GRM6: variants seen among roughly 807,000 people sequenced by gnomAD.
GRM6 encodes metabotropic glutamate receptor 6.
GRM6 carries 73 observed loss-of-function variants against 78.4 expected under a neutral mutation model. The ratio of observed to expected loss-of-function variants is 0.93; its 90% CI spans 0.77 to 1.13. The LOEUF is 1.13. Among genes scored for constraint, GRM6 ranks in the 50% most tolerant of loss-of-function variants. GRM6 has a pLI of 0.00. For synonymous variants in GRM6, 580 were observed against 555.0 expected (o/e 1.05, Z -0.63); for missense variants, 1,251 against 1,256.4 (o/e 1.00, Z 0.07).
chr5:178,990,440 C>T (rs544351194), intron 5 of GRM6, 152 bp downstream of exon 5: 15 of 722,312 alleles, frequency 2.1e-5, no homozygotes, highest in South Asian at 7.8e-5. Flanking sequence ...CTTGGAGGGA[C>T]GCGTCCACAG....
chr5:178,985,739 G>T, intron 9 of GRM6: 1 of 421,452 alleles, frequency 2.4e-6, no homozygotes, highest in Non-Finnish European at 4.6e-6. Flanking sequence ...AACCAAAATA[G>T]AAAAGAGTGA....
chr5:178,991,459 C>T lies in GRM6; in HGVS notation c.822G>A (p.Arg274=). 1.2e-6 allele frequency: 2 copies of T among 1,613,988 alleles called. No homozygotes were observed. The highest frequency in any genetic ancestry group is 2.2e-5 in the South Asian group (2 of 91,082). Reference sequence around the variant, plus strand: ...CCTCATTGGCAAAGATGATGATGCCCCGGGCGTTGGGCGTCTCCATGAGTC... The same window carrying T: ...CCTCATTGGCAAAGATGATGATGCCTCGGGCGTTGGGCGTCTCCATGAGTC... The part of the protein sequence containing the change: ...IRRLMETPNA[R]GIIIFANEDD... Residue 274 remains arginine, a synonymous_variant, in exon 4 of 11, where the codon CGG becomes CGA. Coordinates refer to ENST00000517717, the MANE Select transcript of GRM6 (RefSeq NM_000843.4). The surrounding 1 kb of genome is among the most constrained non-coding windows in gnomAD (Gnocchi z 5.0).
intron 7 of GRM6, chr5:178,987,430 T>G (rs552459415): frequency 6.5e-6 from 3 of 458,016 alleles, no homozygotes; most frequent in Non-Finnish European, 1.3e-5. Context: ...GACAGAAGAA[T>G]GGACGAACAC....
At chr5:178,990,116 A>C (rs1279531235) in intron 5 of GRM6, 1 of 219,084 alleles carries the variant, frequency 4.6e-6, no homozygotes, top group Non-Finnish European at 9.2e-6. Context: ...GAAGGATGTC[A>C]TCAAGGTGTC....
In GRM6 at chr5:178,986,152, G is replaced by A; in HGVS notation, c.2102C>T (p.Thr701Ile). 1 of 1,613,842 alleles carries A rather than the reference G, an allele frequency of 6.2e-7. No homozygotes were observed. The highest frequency in any genetic ancestry group is 8.5e-7 in the Non-Finnish European group (1 of 1,179,818). ...FISPTSQLVI[T>I]FSLTSLQVVG... ...CACCTGCAGGGAGGTGAGGCTGAAG[G>A]TGATGACCAGCTGTGAGGTGGGGCT... is the stretch of plus-strand genomic sequence containing the variant. Residue 701 changes from threonine to isoleucine, a missense_variant, in exon 9 of 11, where the codon ACC becomes ATC. Transcript: ENST00000517717.
chr5:178,987,038 C>T (rs1446192761), intron 7 of GRM6, 55 bp from the exon 8 acceptor site: 21 of 1,572,826 alleles, frequency 1.3e-5, no homozygotes, highest in Admixed American at 3.5e-5. Context: ...GAGCTGGCCT[C>T]CTGGGGAGGC....
At position 178,981,479 on chromosome 5, in the gene GRM6, A is replaced by C; in HGVS notation, c.*178T>G. ...GGAAGCATGAAGCTCACATGCTGGA[A>C]TCGGGGTAGAGCTGGGTCCAGTTCC... On this transcript the variant is annotated 3_prime_UTR_variant, in exon 11 of 11. Transcript: ENST00000517717. This position sits in a 1 kb window ranked among gnomAD's most constrained non-coding sequence, Gnocchi z 5.1. The C allele has an allele frequency of 1.7e-6, 1 of 578,176 alleles. No individual in the cohort carries two copies. Among genetic ancestry groups the C allele is most frequent in the Non-Finnish European group, 3.1e-6 (1 of 322,844 alleles). 35.8% of individuals were successfully genotyped at this position (578,176 alleles called of 1,614,324 possible). A position where few individuals can be genotyped will look rare whatever the true frequency, so the allele number is the denominator to read the frequency against.
chr5:178,981,771 G>C lies in GRM6; in HGVS notation c.2520C>G (p.Thr840=). 1 of 1,613,016 alleles carries C rather than the reference G, an allele frequency of 6.2e-7. No individual in the cohort carries two copies. Among genetic ancestry groups the C allele is most frequent in the East Asian group, 2.2e-5 (1 of 44,874 alleles). The change falls in exon 11 of 11, where the codon ACC becomes ACG. Residue 840 remains threonine (T), a synonymous_variant. Coordinates refer to ENST00000517717, the MANE Select transcript of GRM6 (RefSeq NM_000843.4). The surrounding 1 kb of genome is among the most constrained non-coding windows in gnomAD (Gnocchi z 5.1). ...VSLGMLYVPK[T]YVILFHPEQN... The stretch of plus-strand genomic sequence containing the variant: ...GCTCTGGATGGAAGAGGATGACGTA[G>C]GTTTTGGGTACGTAGAGCATGCCGA...
At position 178,986,307 on chromosome 5, in the gene GRM6, G is replaced by A. The variant is rs2856346; in HGVS notation, c.1947C>T (p.Val649=). 27 of 1,614,022 alleles carry A rather than the reference G, an allele frequency of 1.7e-5. No homozygotes were observed. The highest frequency in any genetic ancestry group is 2.3e-5 in the Non-Finnish European group (27 of 1,179,982). ...FLMVAEPGAA[V]CAARRLFLGL... is the part of the protein sequence containing the mutation. Reference sequence around the variant, plus strand: ...CCAGGAAGAGCCTGCGGGCGGCACAGACCGCGGCCCCAGGCTCAGCCACCA... The same window carrying A: ...CCAGGAAGAGCCTGCGGGCGGCACAAACCGCGGCCCCAGGCTCAGCCACCA... Residue 649 remains valine (V), a synonymous_variant, in exon 9 of 11, where the codon GTC becomes GTT. Transcript: ENST00000517717.
At position 178,981,343 on chromosome 5, in the gene GRM6, T is replaced by C. The variant is rs115475162; in HGVS notation, c.*314A>G. On this transcript the variant is annotated 3_prime_UTR_variant, in exon 11 of 11. Transcript: ENST00000517717. This position sits in a 1 kb window ranked among gnomAD's most constrained non-coding sequence, Gnocchi z 5.1. Reference sequence around the variant, plus strand: ...CGCAAACCAGGCAAAGCCCAGGGCTTCATCATCCTCTTTGGACTTCGGATG... The same window carrying C: ...CGCAAACCAGGCAAAGCCCAGGGCTCCATCATCCTCTTTGGACTTCGGATG... 10,008 of 336,166 alleles carry C rather than the reference T, an allele frequency of 0.03. 232 individuals are homozygous for C. Among genetic ancestry groups the C allele is most frequent in the South Asian group, 0.072 (1,961 of 27,086 alleles). 20.8% of individuals were successfully genotyped at this position (336,166 alleles called of 1,614,324 possible). A position where few individuals can be genotyped will look rare whatever the true frequency, so the allele number is the denominator to read the frequency against.
Position 178,992,862 on chromosome 5 carries a change from A to C in GRM6, c.505-779T>G, listed in dbSNP as rs199888560. ...GAAAAGGAAGCCGGGAGTGGCAGGG[A>C]GAGAGAAAGAAAGAGGGAAGGTGGG... On this transcript the variant is annotated intron_variant, in intron 2 of 10. Transcript: ENST00000517717. The surrounding 1 kb of genome is among the most constrained non-coding windows in gnomAD (Gnocchi z 4.9). Among the ~76,000 whole-genome samples, 2 of 151,816 alleles carry C rather than the reference A, an allele frequency of 1.3e-5. No homozygotes were observed. Among genetic ancestry groups the C allele is most frequent in the Non-Finnish European group, 2.9e-5 (2 of 67,926 alleles).
chr5:178,986,630 C>T lies in GRM6; in HGVS notation c.1624G>A (p.Ala542Thr), dbSNP rs767724143. 8 of 1,602,766 alleles carry T rather than the reference C, an allele frequency of 5.0e-6. No individual in the cohort carries two copies. The South Asian group carries it at 8.8e-5, about 18-fold the overall frequency. The change falls in exon 9 of 11, where the codon GCC becomes ACC. Residue 542 changes from alanine (A) to threonine (T), a missense_variant. Transcript: ENST00000517717. ...ACCTGGAAGCGGTACCCGTCACAGGCCTCGCAGTGCCAACAGCAGGGGACG... is the reference window on the plus strand; with the variant it reads ...ACCTGGAAGCGGTACCCGTCACAGGTCTCGCAGTGCCAACAGCAGGGGACG... ...KGVPCCWHCE[A>T]CDGYRFQVDE...
At chr5:178,993,109 T>C (rs1760710759) in intron 2 of GRM6, among the ~76,000 whole-genome samples, 2 of 152,178 alleles carry the variant, frequency 1.3e-5, no homozygotes, top group Admixed American at 1.3e-4. Context: ...GGCTGGGAAA[T>C]GAATGTAGTT....
chr5:178,995,207 ACAGCTTGGCCCCT>A (rs1760755880), intron 1 of GRM6, 56 bp downstream of exon 1: 1 of 173,876 alleles, frequency 5.8e-6, no homozygotes, highest in African/African-American at 2.4e-5. Flanking sequence ...CCGCTTCCCG[ACAGCTTGGCCCCT>A]CTTCCTCGGG....
chr5:178,987,919 C>A (rs1561718739), intron 7 of GRM6, among the ~76,000 whole-genome samples: 2 of 142,966 alleles, frequency 1.4e-5, no homozygotes, highest in African/African-American at 5.1e-5. Flanking sequence ...GTCGCCATGC[C>A]CAGCTAATTT....
chr5:178,986,675 G>GCT lies in GRM6; in HGVS notation c.1577_1578dup (p.Arg527SerfsTer6). The GCT allele has an allele frequency of 3.1e-6, 5 of 1,603,200 alleles. No homozygotes were observed. The highest frequency in any genetic ancestry group is 1.3e-5 in the African/African-American group (1 of 75,046). On this transcript the variant is annotated frameshift_variant, in exon 9 of 11. Coordinates refer to ENST00000517717, the MANE Select transcript of GRM6 (RefSeq NM_000843.4). LOFTEE classifies it high-confidence loss of function. ...GGGACGCCCTTCACCATCTTCTTCCGCTCCCCCGGCCCGCAGGGCAGGCTG... is the reference window on the plus strand; with the variant it reads ...GGGACGCCCTTCACCATCTTCTTCCGCTCTCCCCCGGCCCGCAGGGCAGGCTG...
intron 9 of GRM6, chr5:178,985,708 A>AC (rs1760522769): frequency 7.2e-6 from 3 of 416,328 alleles, no homozygotes; most frequent in Admixed American, 3.0e-5. Flanking sequence ...GTCTAAAAAA[A>AC]AAAAAACAAA....
rs1217441736 is a variant in GRM6 at position 178,989,021 on chromosome 5, C to T, written c.1268G>A (p.Cys423Tyr). ...CGGGCACAGGCCTGTGTGCCCAGGG[C>T]AGAGCGCCTGGTGCATGCTGTGGAG... ...HALHSMHQAL[C>Y]PGHTGLCPAM... Residue 423 changes from cysteine to tyrosine, a missense_variant, in exon 7 of 11, where the codon TGC becomes TAC. Physicochemically the swap from Cys to Tyr is radical, Grantham distance 194 (BLOSUM62 -2). Coordinates refer to ENST00000517717, the MANE Select transcript of GRM6 (RefSeq NM_000843.4). The T allele has an allele frequency of 1.2e-6, 2 of 1,614,096 alleles. No homozygotes were observed. The highest frequency in any genetic ancestry group is 8.5e-7 in the Non-Finnish European group (1 of 1,179,958).
chr5:178,985,179 C>T (rs1490468603), intron 9 of GRM6: 8 of 435,044 alleles, frequency 1.8e-5, no homozygotes, highest in Non-Finnish European at 3.2e-5. Flanking sequence ...CTTGTGGAAA[C>T]AGGAAAACCG....
Sources: gnomAD v4.1 joint callset for allele counts (sites outside exome capture counted in the v4.1 genomes callset) on GRCh38, gnomAD v4.1.1 for gene constraint, Gnocchi (gnomAD v3.1) non-coding constraint, MANE v1.5 for transcripts, NCBI Gene and HGNC (gene_info 2026-07-23, HGNC 2026-07-21) for gene names.